The following CDH12 variants were observed in gnomAD, a reference collection of about 807,000 sequenced individuals.
CDH12 encodes cadherin 12.
A neutral mutation model predicts 74.1 loss-of-function variants in CDH12; 41 were observed. That is an observed-to-expected ratio of 0.55 (90% CI 0.43 to 0.72). The LOEUF (loss-of-function observed/expected upper bound fraction) is 0.72. Ranked by LOEUF, CDH12 falls within the 30% of genes least tolerant of loss-of-function variation. The pLI, the probability that CDH12 is intolerant of heterozygous loss-of-function variation, is 0.00. For synonymous variants in CDH12, 399 were observed against 355.0 expected (o/e 1.12, Z -1.39); for missense variants, 945 against 977.2 (o/e 0.97, Z 0.44).
intron 1 of CDH12, among the ~76,000 whole-genome samples, chr5:22,592,692 TC>T (rs1736398921): frequency 1.4e-5 from 1 of 73,956 alleles, no homozygotes; most frequent in East Asian, 6.2e-4. Flanking sequence ...CCCCACCACC[TC>T]CACCCAATCC....
At chr5:21,897,186 C>G (rs552578859) in intron 6 of CDH12, among the ~76,000 whole-genome samples, 2 of 152,228 alleles carry the variant, frequency 1.3e-5, no homozygotes, top group African/African-American at 2.4e-5. Flanking sequence ...TTCAAAGACC[C>G]TATGCCTAAC....
In CDH12 at chr5:22,418,755, G is replaced by A. The variant is rs990748436; in HGVS notation, c.-427-13404C>T. Among the ~76,000 whole-genome samples the A allele has an allele frequency of 4.6e-5, 7 of 152,040 alleles. No individual in the cohort carries two copies. The South Asian group carries it at 6.2e-4, about 13-fold the overall frequency. On this transcript the variant is annotated intron_variant, in intron 2 of 14. Coordinates refer to ENST00000382254, the MANE Select transcript of CDH12 (RefSeq NM_004061.5). The stretch of plus-strand genomic sequence containing the variant: ...AAAAACTAGCCCGGCATGGTGGCAG[G>A]CTCCTGTAATCCCAGCTACTCAAGA...
chr5:22,185,276 G>A (rs1204283713), intron 4 of CDH12, among the ~76,000 whole-genome samples: 2 of 146,782 alleles, frequency 1.4e-5, no homozygotes, highest in African/African-American at 5.1e-5. Context: ...TTGGCTCACT[G>A]CAATCTCTGC....
chr5:21,924,449 G>C (rs1754497879), intron 6 of CDH12, among the ~76,000 whole-genome samples: 1 of 152,162 alleles, frequency 6.6e-6, no homozygotes, highest in Admixed American at 6.5e-5. Flanking sequence ...TCAGGAGGCG[G>C]AGGTTGCAGT....
At chr5:22,787,804 G>C (rs1222104652) in intron 1 of CDH12, among the ~76,000 whole-genome samples, 1 of 152,118 alleles carries the variant, frequency 6.6e-6, no homozygotes. Flanking sequence ...CTGGTTTCCA[G>C]AGTCATCAGT....
At chr5:22,556,491 ATATC>A (rs1561488486) in intron 1 of CDH12, among the ~76,000 whole-genome samples, 2 of 152,124 alleles carry the variant, frequency 1.3e-5, no homozygotes, top group African/African-American at 4.8e-5. Flanking sequence ...TGCATTGTAT[ATATC>A]CAGAAATCCT....
intron 4 of CDH12, among the ~76,000 whole-genome samples, chr5:22,154,606 CTA>C (rs1328758630): frequency 1.3e-5 from 2 of 149,118 alleles, no homozygotes; most frequent in African/African-American, 5.0e-5. Context: ...TATATACACA[CTA>C]TATATGTACA....
intron 6 of CDH12, among the ~76,000 whole-genome samples, chr5:21,884,962 C>T (rs545414612): frequency 1.3e-5 from 2 of 151,914 alleles, no homozygotes; most frequent in Non-Finnish European, 2.9e-5. Flanking sequence ...CTTGGCTCAC[C>T]GCAACCTCTG....
At chr5:22,177,064 T>A (rs1208517715) in intron 4 of CDH12, among the ~76,000 whole-genome samples, 1 of 152,158 alleles carries the variant, frequency 6.6e-6, no homozygotes, top group African/African-American at 2.4e-5. Context: ...TAACCTGACA[T>A]AATACGTATT....
At chr5:22,146,574 C>A (rs1747198380) in intron 4 of CDH12, among the ~76,000 whole-genome samples, 2 of 152,026 alleles carry the variant, frequency 1.3e-5, no homozygotes, top group African/African-American at 4.8e-5. Flanking sequence ...TAACTGTAGA[C>A]CTTTAGCTAC....
At chr5:22,725,345 G>T (rs2126995856) in intron 1 of CDH12, among the ~76,000 whole-genome samples, 1 of 151,906 alleles carries the variant, frequency 6.6e-6, no homozygotes, top group African/African-American at 2.4e-5. Flanking sequence ...TTCCCCTATG[G>T]GGGAAACAGA....
intron 10 of CDH12, among the ~76,000 whole-genome samples, chr5:21,788,528 C>A (rs931992657): frequency 3.3e-5 from 5 of 151,814 alleles, no homozygotes; most frequent in Non-Finnish European, 7.4e-5. Context: ...ATAAGTAGTC[C>A]CTGGTGCATG....
At chr5:21,962,537 T>C in intron 6 of CDH12, among the ~76,000 whole-genome samples, 1 of 152,178 alleles carries the variant, frequency 6.6e-6, no homozygotes. Flanking sequence ...GTATGTTCTA[T>C]TGACTGCTTT....
chr5:22,843,960 T>A (rs1216106667), intron 1 of CDH12, among the ~76,000 whole-genome samples: 1 of 152,058 alleles, frequency 6.6e-6, no homozygotes, highest in Non-Finnish European at 1.5e-5. Context: ...TCTTTTTGCA[T>A]GTTTTTGTAT....
intron 4 of CDH12, among the ~76,000 whole-genome samples, chr5:22,133,900 C>G (rs955849469): frequency 6.6e-6 from 1 of 151,872 alleles, no homozygotes; most frequent in African/African-American, 2.4e-5. Flanking sequence ...TTATTCTTAT[C>G]CACAAGTAAG....
At chr5:22,665,184 A>C (rs1740549755) in intron 1 of CDH12, among the ~76,000 whole-genome samples, 1 of 152,164 alleles carries the variant, frequency 6.6e-6, no homozygotes, top group South Asian at 2.1e-4. Flanking sequence ...AATCGCTAAA[A>C]ATAAACCATG....
chr5:22,783,416 C>A (rs909354229), intron 1 of CDH12, among the ~76,000 whole-genome samples: 1 of 151,884 alleles, frequency 6.6e-6, no homozygotes, highest in African/African-American at 2.4e-5. Context: ...TTAATAAACC[C>A]GGTAGAAAAT....
intron 11 of CDH12, among the ~76,000 whole-genome samples, chr5:21,773,189 T>C (rs1745411498): frequency 6.6e-6 from 1 of 152,188 alleles, no homozygotes; most frequent in Non-Finnish European, 1.5e-5. Flanking sequence ...TGATTCTTTC[T>C]TCGAAGTACT....
chr5:21,875,238 A>T (rs1561262832), intron 6 of CDH12, among the ~76,000 whole-genome samples: 1 of 152,190 alleles, frequency 6.6e-6, no homozygotes, highest in Non-Finnish European at 1.5e-5. Flanking sequence ...GTTACTTCCA[A>T]ATTAAGATTT....
Sources: gnomAD v4.1 joint callset for allele counts (sites outside exome capture counted in the v4.1 genomes callset) on GRCh38, gnomAD v4.1.1 for gene constraint, MANE v1.5 for transcripts, NCBI Gene and HGNC (gene_info 2026-07-23, HGNC 2026-07-21) for gene names.